PTPRD: variants seen among roughly 807,000 people sequenced by gnomAD.
PTPRD encodes receptor-type tyrosine-protein phosphatase delta.
A neutral mutation model predicts 214.5 loss-of-function variants in PTPRD; 34 were observed. The ratio of observed to expected loss-of-function variants is 0.16; its 90% CI spans 0.12 to 0.21. PTPRD has a LOEUF of 0.21. Ranked by LOEUF, PTPRD falls within the 10% of genes least tolerant of loss-of-function variation. The pLI, the probability that PTPRD is intolerant of heterozygous loss-of-function variation, is 1.00. For synonymous variants in PTPRD, 1,128 were observed against 845.7 expected, an observed-to-expected ratio of 1.33 and a Z score of -5.79; for missense variants, 2,545 against 2,398.7, an observed-to-expected ratio of 1.06 and a Z score of -1.27.
chr9:8,359,808 C>T (rs2078008119), intron 39 of PTPRD, among the ~76,000 whole-genome samples: 1 of 152,176 alleles, frequency 6.6e-6, no homozygotes, highest in Non-Finnish European at 1.5e-5. Flanking sequence ...TTCTGTTTTC[C>T]TCCCCTTATC....
At chr9:9,830,738 C>G (rs2054555422) in intron 5 of PTPRD, among the ~76,000 whole-genome samples, 1 of 151,840 alleles carries the variant, frequency 6.6e-6, no homozygotes, top group Non-Finnish European at 1.5e-5. Flanking sequence ...GTGTGAAGTC[C>G]ACTGATGTGG....
chr9:9,305,448 C>A (rs1344974999), intron 9 of PTPRD, among the ~76,000 whole-genome samples: 1 of 152,022 alleles, frequency 6.6e-6, no homozygotes, highest in Non-Finnish European at 1.5e-5. Context: ...GGTAACCTAT[C>A]TATGCTGCAG....
intron 3 of PTPRD, among the ~76,000 whole-genome samples, chr9:10,132,889 C>A (rs1247534729): frequency 6.6e-6 from 1 of 152,132 alleles, no homozygotes; most frequent in Non-Finnish European, 1.5e-5. Context: ...CTTATGCAAT[C>A]CCCTCCCACT....
In PTPRD at chr9:8,973,564, C is replaced by T. The variant is rs558368285; in HGVS notation, c.-104+45133G>A. ...TCTTTTTAGTATAATGATCTATATTCCTTTGGGTATATACTCAGTAATGGG... is the reference window on the plus strand; with the variant it reads ...TCTTTTTAGTATAATGATCTATATTTCTTTGGGTATATACTCAGTAATGGG... On this transcript the variant is annotated intron_variant, in intron 11 of 45. Transcript: ENST00000381196. 3.9e-5 allele frequency among the ~76,000 whole-genome samples: 6 copies of T among 152,044 alleles called. No homozygotes were observed. The East Asian group carries it at 1.2e-3, about 29-fold the overall frequency.
intron 5 of PTPRD, among the ~76,000 whole-genome samples, chr9:9,869,653 A>T (rs2064929281): frequency 1.3e-5 from 2 of 152,140 alleles, no homozygotes; most frequent in Admixed American, 1.3e-4. Flanking sequence ...AGATGTAATG[A>T]TCAAACATAA....
intron 12 of PTPRD, among the ~76,000 whole-genome samples, chr9:8,676,148 C>T (rs977287882): frequency 6.6e-6 from 1 of 152,138 alleles, no homozygotes; most frequent in Admixed American, 6.5e-5. Context: ...TGTTGCCTGG[C>T]ATGTAAATCT....
chr9:10,366,417 A>G (rs1403610765), intron 2 of PTPRD, among the ~76,000 whole-genome samples: 1 of 152,144 alleles, frequency 6.6e-6, no homozygotes, highest in African/African-American at 2.4e-5. Flanking sequence ...TATAACTCAC[A>G]TTGCTGGAGT....
chr9:8,695,282 A>T (rs565820978), intron 12 of PTPRD, among the ~76,000 whole-genome samples: 1 of 152,284 alleles, frequency 6.6e-6, no homozygotes, highest in African/African-American at 2.4e-5. Context: ...ATTTTCATTC[A>T]CCAGGATTGA....
In PTPRD at chr9:9,577,995, G is replaced by A. The variant is rs189401371; in HGVS notation, c.-286-3214C>T. On this transcript the variant is annotated intron_variant, in intron 7 of 45. Transcript: ENST00000381196. The stretch of plus-strand genomic sequence containing the variant: ...CAGGAGGCAGAGGTTGCAGTGAGCC[G>A]AGATTGTACTACTGCACTCCAGCCT... 6.4e-3 allele frequency among the ~76,000 whole-genome samples: 815 copies of A among 126,776 alleles called. 5 individuals are homozygous for A. Among genetic ancestry groups the A allele is most frequent in the Non-Finnish European group, 8.2e-3 (523 of 63,838 alleles). The allele number at this position is 126,776 out of a possible 152,430, so 83.2% of individuals were successfully genotyped here.
intron 12 of PTPRD, among the ~76,000 whole-genome samples, chr9:8,678,131 T>C (rs1465122147): frequency 6.6e-6 from 1 of 152,184 alleles, no homozygotes; most frequent in Non-Finnish European, 1.5e-5. Flanking sequence ...TTTGAAAGTT[T>C]TGAACGCATT....
intron 5 of PTPRD, among the ~76,000 whole-genome samples, chr9:9,812,477 C>G (rs1176638780): frequency 2.6e-5 from 4 of 151,270 alleles, no homozygotes; most frequent in Non-Finnish European, 1.5e-5. Context: ...AGCGAAGGGA[C>G]AGAAAAAGAT....
At chr9:10,478,949 T>C (rs572988954) in intron 2 of PTPRD, among the ~76,000 whole-genome samples, 3 of 152,020 alleles carry the variant, frequency 2.0e-5, no homozygotes, top group African/African-American at 4.8e-5. Context: ...CATACATAAA[T>C]CTATTTTTAA....
chr9:8,734,091 T>C (rs1216367214), intron 11 of PTPRD, 145 bp from the exon 12 acceptor site: 6 of 549,170 alleles, frequency 1.1e-5, no homozygotes, highest in East Asian at 6.1e-5. Context: ...TGTCATACTT[T>C]GTTTGTATTA....
intron 2 of PTPRD, among the ~76,000 whole-genome samples, chr9:10,387,529 C>A (rs1423468485): frequency 6.6e-6 from 1 of 151,752 alleles, no homozygotes; most frequent in Non-Finnish European, 1.5e-5. Context: ...ATGGACCTGG[C>A]CTCGCCTTTC....
intron 5 of PTPRD, among the ~76,000 whole-genome samples, chr9:9,795,434 T>C (rs2153485560): frequency 6.6e-6 from 1 of 152,210 alleles, no homozygotes; most frequent in East Asian, 1.9e-4. Context: ...AAGGAAGCAT[T>C]TGGATAGTGG....
intron 5 of PTPRD, among the ~76,000 whole-genome samples, chr9:9,930,693 A>C (rs1384580807): frequency 6.6e-6 from 1 of 152,160 alleles, no homozygotes; most frequent in Non-Finnish European, 1.5e-5. Flanking sequence ...TATTCTGCTT[A>C]CACTTGACAC....
At chr9:8,520,839 T>C (rs1005610025) in intron 20 of PTPRD, among the ~76,000 whole-genome samples, 8 of 152,192 alleles carry the variant, frequency 5.3e-5, no homozygotes, top group Non-Finnish European at 1.2e-4. Context: ...TACTAGACTA[T>C]GTTGATTTCA....
intron 39 of PTPRD, among the ~76,000 whole-genome samples, chr9:8,350,265 A>G (rs1366446530): frequency 6.6e-6 from 1 of 152,156 alleles, no homozygotes; most frequent in Non-Finnish European, 1.5e-5. Flanking sequence ...TGGAGTTTTA[A>G]TGCTGACCCT....
At chr9:9,478,948 A>C (rs1203660962) in intron 8 of PTPRD, among the ~76,000 whole-genome samples, 4 of 152,180 alleles carry the variant, frequency 2.6e-5, no homozygotes, top group Non-Finnish European at 4.4e-5. Context: ...TGTCATAGTA[A>C]ACATGGCCTA....
Sources: gnomAD v4.1 joint callset for allele counts (sites outside exome capture counted in the v4.1 genomes callset) on GRCh38, gnomAD v4.1.1 for gene constraint, MANE v1.5 for transcripts, NCBI Gene and HGNC (gene_info 2026-07-23, HGNC 2026-07-21) for gene names.